The following HS6ST3 variants were observed in gnomAD, a reference collection of about 807,000 sequenced individuals.
The protein encoded by HS6ST3 is heparan-sulfate 6-O-sulfotransferase 3.
In HS6ST3, 12 loss-of-function variants were observed where a neutral mutation model predicts 36.7. The ratio of observed to expected loss-of-function variants is 0.33; its 90% CI spans 0.21 to 0.53. The LOEUF (loss-of-function observed/expected upper bound fraction) is 0.53, where lower values mean the gene tolerates loss of function less well. Ranked by LOEUF, HS6ST3 falls within the 20% of genes least tolerant of loss-of-function variation. The pLI, the probability that HS6ST3 is intolerant of heterozygous loss-of-function variation, is 0.95. For missense variants in HS6ST3, 584 were observed against 640.9 expected (o/e 0.91, Z 0.96); for synonymous variants, 240 against 257.5 (o/e 0.93, Z 0.65).
intron 1 of HS6ST3, among the ~76,000 whole-genome samples, chr13:96,190,091 A>T (rs1011586334): frequency 1.4e-4 from 21 of 152,230 alleles, no homozygotes; most frequent in African/African-American, 5.1e-4. Context: ...TTAAAAAGAT[A>T]AATGGCCCAC....
At chr13:96,682,464 G>A (rs934157137) in intron 1 of HS6ST3, among the ~76,000 whole-genome samples, 20 of 152,006 alleles carry the variant, frequency 1.3e-4, no homozygotes, top group Non-Finnish European at 2.1e-4. Flanking sequence ...TGCTTGATAC[G>A]TGCAGAATTA....
chr13:96,429,012 C>T (rs140436428), intron 1 of HS6ST3, among the ~76,000 whole-genome samples: 26 of 152,270 alleles, frequency 1.7e-4, no homozygotes, highest in African/African-American at 4.8e-4. Flanking sequence ...TAAAACTCAA[C>T]GTGCTATGGT....
At chr13:96,369,276 C>T (rs1433060528) in intron 1 of HS6ST3, among the ~76,000 whole-genome samples, 2 of 152,066 alleles carry the variant, frequency 1.3e-5, no homozygotes, top group African/African-American at 4.8e-5. Context: ...CAAGCAGCAA[C>T]CGGGAGATAC....
intron 1 of HS6ST3, among the ~76,000 whole-genome samples, chr13:96,315,815 A>C (rs941772632): frequency 6.6e-6 from 1 of 152,136 alleles, no homozygotes; most frequent in Non-Finnish European, 1.5e-5. Flanking sequence ...TAGTCATTTG[A>C]ATAGGTAAAA....
intron 1 of HS6ST3, among the ~76,000 whole-genome samples, chr13:96,711,695 C>T (rs1198432958): frequency 1.3e-5 from 2 of 152,138 alleles, no homozygotes; most frequent in African/African-American, 4.8e-5. Context: ...ATCTGCATAT[C>T]CATAGGACTT....
intron 1 of HS6ST3, among the ~76,000 whole-genome samples, chr13:96,227,681 AT>A (rs1378048227): frequency 6.6e-6 from 1 of 152,290 alleles, no homozygotes; most frequent in South Asian, 2.1e-4. Flanking sequence ...TATGAGTCAT[AT>A]TTTTTTCTGC....
chr13:96,203,528 G>A (rs9525149), intron 1 of HS6ST3, among the ~76,000 whole-genome samples: 75,600 of 152,052 alleles, frequency 0.5, 18,972 homozygotes, highest in Admixed American at 0.58. Flanking sequence ...CATACTGTTA[G>A]ACTATCCTAA....
intron 1 of HS6ST3, among the ~76,000 whole-genome samples, chr13:96,655,082 G>A (rs2056620082): frequency 6.6e-6 from 1 of 152,084 alleles, no homozygotes; most frequent in Non-Finnish European, 1.5e-5. Context: ...ATAAGTGAAG[G>A]AAAAAGATCA....
At chr13:96,794,455 T>C (rs958721180) in intron 1 of HS6ST3, among the ~76,000 whole-genome samples, 1 of 152,116 alleles carries the variant, frequency 6.6e-6, no homozygotes, top group African/African-American at 2.4e-5. Context: ...ATATTTAGAT[T>C]TCCTGAATAT....
intron 1 of HS6ST3, among the ~76,000 whole-genome samples, chr13:96,202,367 C>T (rs1267267353): frequency 2.0e-5 from 3 of 152,212 alleles, no homozygotes; most frequent in Non-Finnish European, 4.4e-5. Flanking sequence ...CTGCATTCCA[C>T]TTCCTTTTTA....
chr13:96,592,753 C>T (rs114296840), intron 1 of HS6ST3, among the ~76,000 whole-genome samples: 1,834 of 152,012 alleles, frequency 0.012, 31 homozygotes, highest in African/African-American at 0.042. Context: ...AAAAATGTCA[C>T]GCCACTCTTT....
At chr13:96,252,694 C>G (rs1457062582) in intron 1 of HS6ST3, among the ~76,000 whole-genome samples, 1 of 152,084 alleles carries the variant, frequency 6.6e-6, no homozygotes, top group African/African-American at 2.4e-5. Flanking sequence ...AATGTAATCC[C>G]CAGCATTGGA....
chr13:96,246,377 G>A (rs887157643), intron 1 of HS6ST3, among the ~76,000 whole-genome samples: 1 of 152,244 alleles, frequency 6.6e-6, no homozygotes. Context: ...TGAACTTTTT[G>A]ATGCTAATAG....
chr13:96,494,507 C>A (rs1165282769), intron 1 of HS6ST3, among the ~76,000 whole-genome samples: 1 of 149,876 alleles, frequency 6.7e-6, no homozygotes, highest in African/African-American at 2.5e-5. Context: ...CTAACCTGCA[C>A]GTTGTGCACA....
intron 1 of HS6ST3, among the ~76,000 whole-genome samples, chr13:96,552,296 C>G (rs2056222337): frequency 6.6e-6 from 1 of 152,192 alleles, no homozygotes; most frequent in Non-Finnish European, 1.5e-5. Context: ...CATAGGATCA[C>G]CTGAGGACAG....
At chr13:96,130,407 T>A (rs1450677009) in intron 1 of HS6ST3, among the ~76,000 whole-genome samples, 2 of 152,142 alleles carry the variant, frequency 1.3e-5, no homozygotes. Context: ...GCCTGAAGGG[T>A]TAATTAGACT....
intron 1 of HS6ST3, among the ~76,000 whole-genome samples, chr13:96,103,064 AG>A: frequency 6.6e-6 from 1 of 152,004 alleles, no homozygotes; most frequent in Admixed American, 6.6e-5. Context: ...TTTTTTGAGA[AG>A]GGGGTGGAGG....
chr13:96,145,504 G>GT (rs1445004190), intron 1 of HS6ST3, among the ~76,000 whole-genome samples: 4 of 152,022 alleles, frequency 2.6e-5, no homozygotes, highest in Non-Finnish European at 5.9e-5. Context: ...GGGGTTGTTT[G>GT]TTTTTTTCTT....
At chr13:96,777,891 G>A (rs749615223) in intron 1 of HS6ST3, among the ~76,000 whole-genome samples, 10 of 152,140 alleles carry the variant, frequency 6.6e-5, no homozygotes, top group South Asian at 4.2e-4. Context: ...AAAGAACAAA[G>A]CTGGAGGCAT....
Sources: gnomAD v4.1 joint callset for allele counts (sites outside exome capture counted in the v4.1 genomes callset) on GRCh38, gnomAD v4.1.1 for gene constraint, MANE v1.5 for transcripts, NCBI Gene and HGNC (gene_info 2026-07-23, HGNC 2026-07-21) for gene names.